Variants in PBX1 observed in about 807,000 individuals in gnomAD.
PBX1 encodes the protein PBX homeobox 1, also known as pre-B-cell leukemia transcription factor 1.
PBX1 carries 6 observed loss-of-function variants against 53.4 expected under a neutral mutation model. The observed-to-expected ratio is 0.11, with a 90% CI of 0.06 to 0.22. The LOEUF (loss-of-function observed/expected upper bound fraction) is 0.22. Among genes scored for constraint, PBX1 ranks in the 10% least tolerant of loss-of-function variants. The pLI is 1.00. For synonymous variants in PBX1, 204 were observed against 212.3 expected (o/e 0.96, Z 0.34); for missense variants, 251 against 551.4 (o/e 0.46, Z 5.46).
chr1:164,852,527 A>C (rs1010524763), downstream of PBX1, among the ~76,000 whole-genome samples: 1 of 152,190 alleles, frequency 6.6e-6, no homozygotes, highest in African/African-American at 2.4e-5. Flanking sequence ...CCATCCATAG[A>C]GTGGGATGGA....
intron 4 of PBX1, among the ~76,000 whole-genome samples, chr1:164,806,269 C>A (rs949589305): frequency 6.6e-6 from 1 of 151,160 alleles, no homozygotes; most frequent in African/African-American, 2.4e-5. Context: ...TCAATTAGCA[C>A]TTTTTTTTTA....
chr1:164,674,387 C>CT (rs1026319333), intron 2 of PBX1: 2 of 152,192 alleles, frequency 1.3e-5, no homozygotes, highest in African/African-American at 4.8e-5. Flanking sequence ...GTTTTCTTCC[C>CT]TTGCTCTTTA....
intron 2 of PBX1, among the ~76,000 whole-genome samples, chr1:164,741,108 C>T (rs1011683556): frequency 2.0e-5 from 3 of 152,130 alleles, no homozygotes; most frequent in Non-Finnish European, 4.4e-5. Context: ...TGCCTATCCT[C>T]GATATGGTAT....
downstream of PBX1, among the ~76,000 whole-genome samples, chr1:164,856,584 G>T (rs1671981518): frequency 6.6e-6 from 1 of 152,110 alleles, no homozygotes; most frequent in South Asian, 2.1e-4. Context: ...CACACACCCA[G>T]GCTCAGCCAT....
chr1:164,685,023 A>G (rs1199461783), intron 2 of PBX1: 1 of 152,252 alleles, frequency 6.6e-6, no homozygotes. Flanking sequence ...TTAGACATAA[A>G]TTACAAGAAC....
At chr1:164,648,310 G>T (rs1659588594) in intron 2 of PBX1, among the ~76,000 whole-genome samples, 1 of 152,158 alleles carries the variant, frequency 6.6e-6, no homozygotes, top group Admixed American at 6.5e-5. Context: ...CAAGCTCTAG[G>T]TTATTCTTAT....
At chr1:164,791,940 T>C (rs1668531167) in intron 2 of PBX1, among the ~76,000 whole-genome samples, 1 of 152,050 alleles carries the variant, frequency 6.6e-6, no homozygotes, top group African/African-American at 2.4e-5. Context: ...TTCCCCTGCC[T>C]CAGCCTCCCG....
At position 164,868,079 on chromosome 1, in the gene PBX1, G is replaced by A. The variant is rs1571544756; in HGVS notation, n.258-31109G>A. 2.6e-5 allele frequency among the ~76,000 whole-genome samples: 4 copies of A among 152,284 alleles called. No individual in the cohort carries two copies. In the South Asian group the frequency reaches 8.3e-4, roughly 32 times the overall value. On this transcript the variant is annotated intron_variant and non_coding_transcript_variant, in intron 2 of 2. Transcript: ENST00000558796. ...GGTGGGCCCCCAGCATTTCATGTGGGAGGAAGAAGAGAATACGGAGAAAGA... is the reference window on the plus strand; with the variant it reads ...GGTGGGCCCCCAGCATTTCATGTGGAAGGAAGAAGAGAATACGGAGAAAGA...
downstream of PBX1, among the ~76,000 whole-genome samples, chr1:164,852,434 C>T (rs937540412): frequency 2.0e-5 from 3 of 152,306 alleles, no homozygotes; most frequent in Non-Finnish European, 4.4e-5. Flanking sequence ...CGAAGTGTTA[C>T]AGAGTGTGGT....
intron 2 of PBX1, among the ~76,000 whole-genome samples, chr1:164,579,105 T>C (rs1285204357): frequency 6.6e-6 from 1 of 152,176 alleles, no homozygotes; most frequent in Non-Finnish European, 1.5e-5. Flanking sequence ...GCTTCTGCCT[T>C]GAAGGAGTAC....
chr1:164,864,522 C>A (rs968587939), intron 2 of PBX1, among the ~76,000 whole-genome samples: 1 of 152,188 alleles, frequency 6.6e-6, no homozygotes, highest in Non-Finnish European at 1.5e-5. Context: ...CACCCATCCC[C>A]AACCCCAACT....
chr1:164,562,879 A>C (rs1653163859), intron 1 of PBX1: 1 of 156,166 alleles, frequency 6.4e-6, no homozygotes, highest in Non-Finnish European at 1.4e-5. Context: ...ATTTTACAAA[A>C]CTGTTAACCT....
intron 2 of PBX1, among the ~76,000 whole-genome samples, chr1:164,777,966 C>T (rs1667751003): frequency 6.6e-6 from 1 of 152,158 alleles, no homozygotes; most frequent in Non-Finnish European, 1.5e-5. Flanking sequence ...CTTTGACAAC[C>T]TTGATACAAG....
chr1:164,629,189 TC>T (rs891543595), intron 2 of PBX1, among the ~76,000 whole-genome samples: 24 of 152,044 alleles, frequency 1.6e-4, no homozygotes, highest in African/African-American at 5.6e-4. Flanking sequence ...ATGGACCTGT[TC>T]CAAGGAATGG....
At chr1:164,788,132 A>T (rs1196340351) in intron 2 of PBX1, among the ~76,000 whole-genome samples, 1 of 152,132 alleles carries the variant, frequency 6.6e-6, no homozygotes, top group African/African-American at 2.4e-5. Context: ...CAGGAACCTG[A>T]TCATATGTGA....
At chr1:164,661,703 A>T (rs1055118614) in intron 2 of PBX1, among the ~76,000 whole-genome samples, 1 of 152,190 alleles carries the variant, frequency 6.6e-6, no homozygotes, top group Non-Finnish European at 1.5e-5. Context: ...CTGGGATTAC[A>T]GGCGTGAGCC....
intron 2 of PBX1, among the ~76,000 whole-genome samples, chr1:164,652,314 TG>T (rs1188722424): frequency 1.3e-5 from 2 of 152,190 alleles, no homozygotes; most frequent in Non-Finnish European, 2.9e-5. Flanking sequence ...ATAACCCCTG[TG>T]GGGGTACTCT....
intron 2 of PBX1, among the ~76,000 whole-genome samples, chr1:164,569,979 C>G (rs1339639807): frequency 6.6e-6 from 1 of 152,130 alleles, no homozygotes; most frequent in Non-Finnish European, 1.5e-5. Flanking sequence ...TTTTAAGCTA[C>G]TTTAAAAACT....
intron 6 of PBX1, chr1:164,816,128 A>G (rs1008493673): frequency 3.3e-5 from 5 of 152,116 alleles, no homozygotes; most frequent in African/African-American, 1.2e-4. Context: ...TTTATTTTTG[A>G]TTGAAGAGTG....
Sources: allele counts gnomAD v4.1 joint callset (sites outside exome capture counted in the v4.1 genomes callset), GRCh38; gene constraint gnomAD v4.1.1; transcripts MANE v1.5; gene names NCBI Gene and HGNC (gene_info 2026-07-23, HGNC 2026-07-21).